The following IFT88 variants were observed in gnomAD, a reference collection of about 807,000 sequenced individuals.
IFT88 encodes intraflagellar transport protein 88 homolog.
IFT88 carries 74 observed loss-of-function variants against 119.5 expected under a neutral mutation model. That is an observed-to-expected ratio of 0.62 (90% CI 0.51 to 0.75). IFT88 has a LOEUF of 0.75. IFT88 is among the 30% of genes least tolerant of loss of function. The pLI is 0.00. For synonymous variants in IFT88, 279 were observed against 316.7 expected (o/e 0.88, Z 1.26); for missense variants, 961 against 977.7 (o/e 0.98, Z 0.23).
rs562658542 is a variant in IFT88, at chr13:20,645,237, G to A, written c.1949+279G>A. On this transcript the variant is annotated intron_variant, in intron 20 of 25. Transcript: ENST00000351808. The stretch of plus-strand genomic sequence containing the variant: ...CCCGAGTAGCTGGGATTACAGTCAC[G>A]CACCACCATGCCTGGCTAATTTTTT... Among the ~76,000 whole-genome samples the A allele has an allele frequency of 6.6e-5, 10 of 151,992 alleles. No individual in the cohort carries two copies. The South Asian group carries it at 1.9e-3, about 28-fold the overall frequency.
intron 24 of IFT88, among the ~76,000 whole-genome samples, chr13:20,683,318 G>A (rs749439052): frequency 1.7e-4 from 26 of 152,094 alleles, no homozygotes; most frequent in Non-Finnish European, 3.2e-4. Flanking sequence ...TCCGCTTGAA[G>A]CAGTTTCTTT....
chr13:20,632,468 T>G (rs2048348680), intron 16 of IFT88, among the ~76,000 whole-genome samples: 1 of 152,220 alleles, frequency 6.6e-6, no homozygotes, highest in South Asian at 2.1e-4. Context: ...TAACTCTGCC[T>G]TAGCCACTAA....
chr13:20,583,858 C>T (rs1410905262), intron 3 of IFT88, among the ~76,000 whole-genome samples: 1 of 152,086 alleles, frequency 6.6e-6, no homozygotes, highest in African/African-American at 2.4e-5. Flanking sequence ...ATATTTAGTT[C>T]TCCCAACACT....
At chr13:20,583,125 A>G in intron 3 of IFT88, 106 bp downstream of exon 3, 1 of 626,086 alleles carries the variant, frequency 1.6e-6, no homozygotes, top group Non-Finnish European at 2.8e-6. Flanking sequence ...AAAGATTATA[A>G]CCATCATTAA....
At chr13:20,688,239 C>T (rs1043574332) in intron 24 of IFT88, among the ~76,000 whole-genome samples, 1 of 152,118 alleles carries the variant, frequency 6.6e-6, no homozygotes, top group East Asian at 1.9e-4. Flanking sequence ...CCCAGCTACT[C>T]GAGAGGCTGA....
At chr13:20,652,470 A>G (rs564627424) in intron 20 of IFT88, among the ~76,000 whole-genome samples, 39 of 146,548 alleles carry the variant, frequency 2.7e-4, no homozygotes, top group Non-Finnish European at 5.2e-4. Flanking sequence ...AACTCTCTTT[A>G]AAAAAAAATA....
chr13:20,643,584 A>G lies in IFT88; in HGVS notation c.1812A>G (p.Gln604=), dbSNP rs762669874. The G allele has an allele frequency of 1.9e-6, 3 of 1,604,182 alleles. No homozygotes were observed. Among genetic ancestry groups the G allele is most frequent in the Admixed American group, 1.7e-5 (1 of 58,728 alleles). The change falls in exon 19 of 26, where the codon CAA becomes CAG. Residue 604 remains glutamine (Q), a synonymous_variant. Coordinates refer to ENST00000351808, the MANE Select transcript of IFT88 (RefSeq NM_006531.5). ...ATGATCGTGAAGGAGATAAATCTCA[A>G]GCATTTCAATATTACTATGAGGTAG... ...ELYDREGDKS[Q]AFQYYYESYR...
intron 17 of IFT88, 46 bp from the exon 18 acceptor site, chr13:20,641,244 C>T: frequency 3.1e-6 from 3 of 954,598 alleles, no homozygotes; most frequent in Admixed American, 2.1e-5. Context: ...AAATTAATAC[C>T]AATAATGATA....
chr13:20,658,869 A>C (rs180985558), intron 22 of IFT88, among the ~76,000 whole-genome samples: 1 of 152,238 alleles, frequency 6.6e-6, no homozygotes. Context: ...AATGTCTTCA[A>C]GGAAGGCCAG....
intron 16 of IFT88, among the ~76,000 whole-genome samples, chr13:20,637,187 G>T (rs1191996921): frequency 6.6e-6 from 1 of 152,148 alleles, no homozygotes; most frequent in Non-Finnish European, 1.5e-5. Context: ...TCTTTTGAGG[G>T]TGGAAGTAGA....
Position 20,578,034 on chromosome 13 carries a change from CTTTTT to C in IFT88, c.90+3583_90+3587del, listed in dbSNP as rs57202566. On this transcript the variant is annotated intron_variant, in intron 2 of 25. Transcript: ENST00000351808. ...TATTGTGGCTTCAGTCTTGTTACTT[CTTTTT>C]TTTTTTTTTTTTTTTTTTTTTTTCA... 9.5e-4 allele frequency among the ~76,000 whole-genome samples: 53 copies of C among 55,868 alleles called. 1 individual carries two copies. Among genetic ancestry groups the C allele is most frequent in the African/African-American group, 3.2e-3 (49 of 15,412 alleles). 36.7% of individuals were successfully genotyped at this position (55,868 alleles called of 152,430 possible). A position where few individuals can be genotyped will look rare whatever the true frequency, so the allele number is the denominator to read the frequency against.
intron 1 of IFT88, chr13:20,568,028 AAAAG>A (rs1221611565): frequency 2.8e-6 from 2 of 713,430 alleles, no homozygotes; most frequent in Non-Finnish European, 5.2e-6. Flanking sequence ...AAAATCGCAA[AAAAG>A]AATCTCATAA....
At chr13:20,637,624 G>A (rs1302873444) in intron 16 of IFT88, among the ~76,000 whole-genome samples, 1 of 152,208 alleles carries the variant, frequency 6.6e-6, no homozygotes, top group Non-Finnish European at 1.5e-5. Context: ...TAAGTGAGGA[G>A]AAGCTGGTAC....
At chr13:20,567,985 C>G (rs1163503730) in intron 1 of IFT88, 3 of 712,250 alleles carry the variant, frequency 4.2e-6, no homozygotes, top group Non-Finnish European at 7.8e-6. Flanking sequence ...ACATGAAATT[C>G]ACAAACACTA....
intron 22 of IFT88, among the ~76,000 whole-genome samples, chr13:20,657,851 C>T (rs930402811): frequency 7.2e-5 from 11 of 152,144 alleles, no homozygotes; most frequent in African/African-American, 2.6e-4. Flanking sequence ...TTAGTAAAAA[C>T]AAATCTTTTC....
chr13:20,658,562 C>T (rs547042630), intron 22 of IFT88, among the ~76,000 whole-genome samples: 1 of 152,316 alleles, frequency 6.6e-6, no homozygotes, highest in South Asian at 2.1e-4. Context: ...GCAGTAATAA[C>T]TTTTCTTGAA....
intron 11 of IFT88, among the ~76,000 whole-genome samples, chr13:20,600,296 T>A (rs1272086290): frequency 6.6e-6 from 1 of 152,028 alleles, no homozygotes; most frequent in Non-Finnish European, 1.5e-5. Flanking sequence ...TTGTATTGAG[T>A]AACATATATT....
At chr13:20,587,332 A>G (rs1411859945) in intron 3 of IFT88, among the ~76,000 whole-genome samples, 1 of 151,720 alleles carries the variant, frequency 6.6e-6, no homozygotes, top group African/African-American at 2.4e-5. Context: ...ACCTTGGCTC[A>G]CTGCAACGTC....
chr13:20,637,623 A>G (rs2049218485), intron 16 of IFT88, among the ~76,000 whole-genome samples: 1 of 152,210 alleles, frequency 6.6e-6, no homozygotes, highest in South Asian at 2.1e-4. Context: ...GTAAGTGAGG[A>G]GAAGCTGGTA....
Sources: allele counts gnomAD v4.1 joint callset (sites outside exome capture counted in the v4.1 genomes callset), GRCh38; gene constraint gnomAD v4.1.1; transcripts MANE v1.5; gene names NCBI Gene and HGNC (gene_info 2026-07-23, HGNC 2026-07-21).